XXYLT1: variants seen among roughly 807,000 people sequenced by gnomAD.
XXYLT1 encodes xyloside xylosyltransferase 1, also known as UDP-xylose:alpha-xyloside alpha-1,3-xylosyltransferase.
Under a neutral mutation model 28.9 loss-of-function variants are expected in XXYLT1, and 20 were observed. The ratio of observed to expected loss-of-function variants is 0.69; its 90% CI spans 0.49 to 1.00. The LOEUF (loss-of-function observed/expected upper bound fraction) is 1.00, where lower values mean the gene tolerates loss of function less well. XXYLT1 is among the 50% of genes least tolerant of loss of function. The probability of loss-of-function intolerance (pLI) is 0.00; values close to 1 mark genes in which losing one functional copy is unlikely to be tolerated. For missense variants in XXYLT1, 542 were observed against 560.1 expected, an observed-to-expected ratio of 0.97 and a Z score of 0.33; for synonymous variants, 257 against 253.8, an observed-to-expected ratio of 1.01 and a Z score of -0.12.
chr3:195,225,833 C>T (rs1724024625), intron 2 of XXYLT1, among the ~76,000 whole-genome samples: 1 of 152,132 alleles, frequency 6.6e-6, no homozygotes, highest in African/African-American at 2.4e-5. Context: ...TTATAAGGGG[C>T]TTTTCCCCCT....
At chr3:195,248,765 C>T (rs1725136994) in intron 1 of XXYLT1, among the ~76,000 whole-genome samples, 1 of 152,116 alleles carries the variant, frequency 6.6e-6, no homozygotes, top group African/African-American at 2.4e-5. Flanking sequence ...TAAGAAAATA[C>T]AAAAATTAGC....
At chr3:195,220,645 G>A (rs1723785092) in intron 2 of XXYLT1, among the ~76,000 whole-genome samples, 1 of 152,160 alleles carries the variant, frequency 6.6e-6, no homozygotes, top group East Asian at 1.9e-4. Flanking sequence ...CCCTACACTG[G>A]ACATTAAGAG....
chr3:195,180,343 A>G lies in XXYLT1; in HGVS notation c.653-23762T>C. Reference sequence around the variant, plus strand: ...AGGGCCCAGAAGGAAGGAGCCACAAAGGTCTGGATGGTTTATCCCCCTGGC... The same window carrying G: ...AGGGCCCAGAAGGAAGGAGCCACAAGGGTCTGGATGGTTTATCCCCCTGGC... On this transcript the variant is annotated intron_variant, in intron 2 of 3. Coordinates refer to ENST00000310380, the MANE Select transcript of XXYLT1 (RefSeq NM_152531.5). The surrounding 1 kb of genome is among the most constrained non-coding windows in gnomAD (Gnocchi z 5.8). 1.0e-6 allele frequency: 1 copy of G among 985,456 alleles called. No homozygotes were observed. Among genetic ancestry groups the G allele is most frequent in the Non-Finnish European group, 1.2e-6 (1 of 829,956 alleles). The allele number at this position is 985,456 out of a possible 1,614,324, so 61.0% of individuals were successfully genotyped here. A position where few individuals can be genotyped will look rare whatever the true frequency, so the allele number is the denominator to read the frequency against.
chr3:195,122,998 G>A lies in XXYLT1; in HGVS notation c.785+33451C>T, dbSNP rs1408949341. Among the ~76,000 whole-genome samples, 6 of 152,200 alleles carry A rather than the reference G, an allele frequency of 3.9e-5. No individual in the cohort carries two copies. In the South Asian group the frequency reaches 6.2e-4, roughly 16 times the overall value. On this transcript the variant is annotated intron_variant, in intron 3 of 3. Transcript: ENST00000310380. The stretch of plus-strand genomic sequence containing the variant: ...GCTTGGTGACCTTGACAAAGTCACT[G>A]TTCTCTGATCTCACTTTCCTACACT...
chr3:195,160,417 C>G (rs1219456245), intron 2 of XXYLT1, among the ~76,000 whole-genome samples: 2 of 152,186 alleles, frequency 1.3e-5, no homozygotes, highest in Admixed American at 1.3e-4. Flanking sequence ...CCAAATTCCA[C>G]TAACTGGGAG....
chr3:195,159,895 T>C (rs1008813983), intron 2 of XXYLT1, among the ~76,000 whole-genome samples: 1 of 152,148 alleles, frequency 6.6e-6, no homozygotes, highest in African/African-American at 2.4e-5. Flanking sequence ...CAGCAGAAAC[T>C]TGGGTCGCTT....
intron 3 of XXYLT1, among the ~76,000 whole-genome samples, chr3:195,099,149 C>G (rs563185788): frequency 6.6e-6 from 1 of 152,200 alleles, no homozygotes; most frequent in African/African-American, 2.4e-5. Flanking sequence ...CTCAAACAAC[C>G]GCTTGCTGTT....
chr3:195,207,397 A>C, intron 2 of XXYLT1: 1 of 449,598 alleles, frequency 2.2e-6, no homozygotes, highest in Non-Finnish European at 4.5e-6. Context: ...CTCAGGCAAC[A>C]GGAAAACAGT....
At chr3:195,187,218 G>A (rs376074536) in intron 2 of XXYLT1, among the ~76,000 whole-genome samples, 34 of 148,206 alleles carry the variant, frequency 2.3e-4, no homozygotes, top group East Asian at 1.2e-3. Flanking sequence ...AGCCTGGGCC[G>A]CAGAGCAAGA....
rs1560095911 is a variant in XXYLT1 at position 195,103,416 on chromosome 3, G to GCGGCCTGCGTCCATCACCCCACA, written c.786-33306_786-33305insTGTGGGGTGATGGACGCAGGCCG. ...CAGCGGCCTGCGTCCATCACCCCACGCCAGCGGCCTGCGTCCATCACCCCA... is the reference window on the plus strand; with the variant it reads ...CAGCGGCCTGCGTCCATCACCCCACGCGGCCTGCGTCCATCACCCCACACCAGCGGCCTGCGTCCATCACCCCA... On this transcript the variant is annotated intron_variant, in intron 3 of 3. Transcript: ENST00000310380. Among the ~76,000 whole-genome samples, 220 of 106,128 alleles carry GCGGCCTGCGTCCATCACCCCACA rather than the reference G, an allele frequency of 2.1e-3. 5 individuals carry two copies. The highest frequency in any genetic ancestry group is 9.0e-3 in the African/African-American group (211 of 23,514). The allele number at this position is 106,128 out of a possible 152,430, so 69.6% of individuals were successfully genotyped here.
chr3:195,102,591 C>T (rs1270666054), intron 3 of XXYLT1, among the ~76,000 whole-genome samples: 2 of 152,188 alleles, frequency 1.3e-5, no homozygotes, highest in African/African-American at 4.8e-5. Context: ...ATAATGTCCT[C>T]CAAGTTTCAT....
At chr3:195,105,979 A>C (rs906346705) in intron 3 of XXYLT1, among the ~76,000 whole-genome samples, 8 of 152,228 alleles carry the variant, frequency 5.3e-5, no homozygotes, top group African/African-American at 1.9e-4. Flanking sequence ...ACTTCTGATT[A>C]ATGTCGGCAG....
intron 3 of XXYLT1, among the ~76,000 whole-genome samples, chr3:195,121,563 C>A (rs1177383779): frequency 6.6e-6 from 1 of 152,208 alleles, no homozygotes; most frequent in African/African-American, 2.4e-5. Flanking sequence ...TGCCCCTACG[C>A]CCCACTCTAA....
chr3:195,173,931 G>C lies in XXYLT1; in HGVS notation c.653-17350C>G, dbSNP rs1424416327. On this transcript the variant is annotated intron_variant, in intron 2 of 3. Coordinates refer to ENST00000310380, the MANE Select transcript of XXYLT1 (RefSeq NM_152531.5). The surrounding 1 kb of genome is among the most constrained non-coding windows in gnomAD (Gnocchi z 4.3). ...ACTAAGGGCTGTGTCAGTAGGCACT[G>C]GTGAGAACAGCCGCTGGCTCCCTCG... Among the ~76,000 whole-genome samples the C allele has an allele frequency of 6.6e-6, 1 of 152,342 alleles. No homozygotes were observed. Among genetic ancestry groups the C allele is most frequent in the African/African-American group, 2.4e-5 (1 of 41,582 alleles).
chr3:195,223,225 T>C (rs1328673367), intron 2 of XXYLT1, among the ~76,000 whole-genome samples: 1 of 151,960 alleles, frequency 6.6e-6, no homozygotes, highest in Admixed American at 6.6e-5. Context: ...AGTGAGACTC[T>C]GTCTCAAAAA....
At chr3:195,232,256 T>C (rs535857741) in intron 1 of XXYLT1, among the ~76,000 whole-genome samples, 211 of 152,236 alleles carry the variant, frequency 1.4e-3, no homozygotes, top group African/African-American at 4.7e-3. Context: ...TGATTTTATT[T>C]ATTTGGGTCT....
At chr3:195,073,046 C>T (rs1714916401) in intron 3 of XXYLT1, among the ~76,000 whole-genome samples, 1 of 152,358 alleles carries the variant, frequency 6.6e-6, no homozygotes, top group Non-Finnish European at 1.5e-5. Context: ...CTCCCTCTCC[C>T]TGGCAGCCCA....
rs3073344 is a variant in XXYLT1 at position 195,127,772 on chromosome 3, A to ATGTGTGTGTGTGTGTG, written c.785+28676_785+28677insCACACACACACACACA. On this transcript the variant is annotated intron_variant, in intron 3 of 3. Transcript: ENST00000310380. ...ACCTTGGGTGACAGAGTGAGACAAA[A>ATGTGTGTGTGTGTGTG]TGTGTGTGTGTGTGTAATTTTTCTG... Among the ~76,000 whole-genome samples, 459 of 151,542 alleles carry ATGTGTGTGTGTGTGTG rather than the reference A, an allele frequency of 3.0e-3. 2 individuals carry two copies. The highest frequency in any genetic ancestry group is 0.019 in the East Asian group (96 of 5,098).
At chr3:195,249,800 T>TC (rs1399244319) in intron 1 of XXYLT1, among the ~76,000 whole-genome samples, 1 of 152,142 alleles carries the variant, frequency 6.6e-6, no homozygotes, top group Non-Finnish European at 1.5e-5. Context: ...CCTCTTGATG[T>TC]CACATACTTC....
Sources: allele counts gnomAD v4.1 joint callset (sites outside exome capture counted in the v4.1 genomes callset), GRCh38; gene constraint gnomAD v4.1.1; non-coding constraint Gnocchi (gnomAD v3.1); transcripts MANE v1.5; gene names NCBI Gene and HGNC (gene_info 2026-07-23, HGNC 2026-07-21).